The following ID4 variants were observed in gnomAD, a reference collection of about 807,000 sequenced individuals.
ID4 encodes the protein DNA-binding protein inhibitor ID-4.
A neutral mutation model predicts 8.6 loss-of-function variants in ID4; 9 were observed. The ratio of observed to expected loss-of-function variants is 1.04; its 90% CI spans 0.63 to 1.82. The LOEUF (loss-of-function observed/expected upper bound fraction) is 1.82, where lower values mean the gene tolerates loss of function less well. ID4 is among the 40% of genes most tolerant of loss of function. The probability of loss-of-function intolerance (pLI) is 0.00; values close to 1 mark genes in which losing one functional copy is unlikely to be tolerated. For synonymous variants in ID4, 180 were observed against 118.0 expected (o/e 1.53, Z -3.41); for missense variants, 270 against 235.1 (o/e 1.15, Z -0.97).
At chr6:19,838,957 C>G in intron 2 of ID4, 1 of 413,112 alleles carries the variant, frequency 2.4e-6, no homozygotes, top group Non-Finnish European at 4.4e-6. Flanking sequence ...TGGGAGCTGC[C>G]CCGGTGTCCT....
rs1263872577 is a variant in ID4, at chr6:19,837,750, G to C, written c.-5G>C. On this transcript the variant is annotated 5_prime_UTR_variant, in exon 1 of 3. Coordinates refer to ENST00000378700, the MANE Select transcript of ID4 (RefSeq NM_001546.4). The stretch of plus-strand genomic sequence containing the variant: ...TTCGCTCGCGTAGAGCGCAGGGCGC[G>C]CGCGATGAAGGCGGTGAGCCCGGTG... 8.9e-7 allele frequency: 1 copy of C among 1,125,722 alleles called. No individual in the cohort carries two copies. The highest frequency in any genetic ancestry group is 1.7e-5 in the African/African-American group (1 of 60,132). 69.7% of individuals were successfully genotyped at this position (1,125,722 alleles called of 1,614,324 possible). A position where few individuals can be genotyped will look rare whatever the true frequency, so the allele number is the denominator to read the frequency against.
intron 1 of ID4, 85 bp from the exon 2 acceptor site, chr6:19,838,499 T>C (rs929225753): frequency 1.6e-5 from 25 of 1,576,204 alleles, no homozygotes; most frequent in Non-Finnish European, 2.2e-5. Context: ...CGCGCCAGCC[T>C]GATTTCCGAG....
At position 19,840,972 on chromosome 6, in the gene ID4, A is replaced by G. The variant is rs965146782; in HGVS notation, c.*1777A>G. 6.6e-6 allele frequency among the ~76,000 whole-genome samples: 1 copy of G among 152,180 alleles called. No homozygotes were observed. Among genetic ancestry groups the G allele is most frequent in the African/African-American group, 2.4e-5 (1 of 41,428 alleles). On this transcript the variant is annotated 3_prime_UTR_variant, in exon 3 of 3. Transcript: ENST00000378700. The stretch of plus-strand genomic sequence containing the variant: ...GATTTGTTTCAGATTATACAAGAAT[A>G]AAAGTATTATAGACCCAAGGGACTT...
At chr6:19,838,534 C>G (rs921954699) in intron 1 of ID4, 50 bp from the exon 2 acceptor site, 3 of 1,612,482 alleles carry the variant, frequency 1.9e-6, no homozygotes, top group Admixed American at 1.7e-5. Flanking sequence ...GTGTCGAGCG[C>G]GTTGTTTGCG....
Position 19,838,545 on chromosome 6 carries a change from C to T in ID4, c.442-39C>T, listed in dbSNP as rs374934459. The T allele has an allele frequency of 1.9e-5, 31 of 1,613,728 alleles. No homozygotes were observed. In the African/African-American group the frequency reaches 3.3e-4, roughly 17 times the overall value. On this transcript the variant is annotated intron_variant, in intron 1 of 2. Transcript: ENST00000378700. Reference sequence around the variant, plus strand: ...GACCGTGTCGAGCGCGTTGTTTGCGCCTGCTAACCTTTCCCTTGGTGTTCG... The same window carrying T: ...GACCGTGTCGAGCGCGTTGTTTGCGTCTGCTAACCTTTCCCTTGGTGTTCG...
rs1478384088 is a variant in ID4, at chr6:19,840,875, G to A, written c.*1680G>A. Among the ~76,000 whole-genome samples, 1 of 152,126 alleles carries A rather than the reference G, an allele frequency of 6.6e-6. No homozygotes were observed. ...ATTTTTAGAGTGAAAGAATTAAGTA[G>A]GATTTAATTGGGTGCTTTGTAAATA... On this transcript the variant is annotated 3_prime_UTR_variant, in exon 3 of 3. Coordinates refer to ENST00000378700, the MANE Select transcript of ID4 (RefSeq NM_001546.4).
chr6:19,837,936 C>T lies in ID4; in HGVS notation c.182C>T (p.Ala61Val). 3 of 1,489,320 alleles carry T rather than the reference C, an allele frequency of 2.0e-6. No homozygotes were observed. Among genetic ancestry groups the T allele is most frequent in the South Asian group, 1.3e-5 (1 of 76,938 alleles). 92.3% of individuals were successfully genotyped at this position (1,489,320 alleles called of 1,614,324 possible). Residue 61 changes from alanine to valine, a missense_variant, in exon 1 of 3, where the codon GCG (alanine) becomes GTG (valine). Physicochemically the swap from Ala to Val is moderately conservative, Grantham distance 64. This residue lies in a region of ID4 where 160 missense variants were observed against 131.5 expected (regional missense o/e 1.22). Transcript: ENST00000378700. ...KAAEAAADEP[A>V]LCLQCDMNDC... Reference sequence around the variant, plus strand: ...GCCGAGGCGGCGGCCGACGAGCCGGCGCTGTGCCTGCAGTGCGATATGAAC... The same window carrying T: ...GCCGAGGCGGCGGCCGACGAGCCGGTGCTGTGCCTGCAGTGCGATATGAAC...
chr6:19,841,872 C>G lies in ID4; in HGVS notation c.*2677C>G, dbSNP rs970541499. Reference sequence around the variant, plus strand: ...AACAAAGGAAAATATCCTGACTTCTCTCATTTCATTTGTAGACTTTTCATT... The same window carrying G: ...AACAAAGGAAAATATCCTGACTTCTGTCATTTCATTTGTAGACTTTTCATT... On this transcript the variant is annotated 3_prime_UTR_variant, in exon 3 of 3. Coordinates refer to ENST00000378700, the MANE Select transcript of ID4 (RefSeq NM_001546.4). Among the ~76,000 whole-genome samples, 1 of 152,142 alleles carries G rather than the reference C, an allele frequency of 6.6e-6. No individual in the cohort carries two copies. Among genetic ancestry groups the G allele is most frequent in the African/African-American group, 2.4e-5 (1 of 41,452 alleles).
At chr6:19,838,909 C>T in intron 2 of ID4, 8 of 526,000 alleles carry the variant, frequency 1.5e-5, no homozygotes, top group South Asian at 1.3e-4. Flanking sequence ...GGCTCTTCTG[C>T]CTTCCCTAGT....
Position 19,837,614 on chromosome 6 carries a change from G to T in ID4, c.-141G>T. The T allele has an allele frequency of 2.5e-6, 1 of 405,352 alleles. No individual in the cohort carries two copies. The highest frequency in any genetic ancestry group is 3.5e-6 in the Non-Finnish European group (1 of 282,202). The allele number at this position is 405,352 out of a possible 1,614,324, so 25.1% of individuals were successfully genotyped here. A position where few individuals can be genotyped will look rare whatever the true frequency, so the allele number is the denominator to read the frequency against. ...GAGCGACCCTCCCGTCAATTGTTGG[G>T]CTCGGGAGTGTCGCGGTGCCCCGAG... On this transcript the variant is annotated 5_prime_UTR_variant, in exon 1 of 3. Transcript: ENST00000378700.
intron 2 of ID4, 42 bp downstream of exon 2, chr6:19,838,684 A>G: frequency 6.3e-7 from 1 of 1,580,936 alleles, no homozygotes; most frequent in South Asian, 1.1e-5. Flanking sequence ...GTCACCAGAG[A>G]CGCCCGTCCC....
chr6:19,838,613 C>G lies in ID4; in HGVS notation c.471C>G (p.Ser157Arg). 6.2e-7 allele frequency: 1 copy of G among 1,613,952 alleles called. No individual in the cohort carries two copies. Among genetic ancestry groups the G allele is most frequent in the Non-Finnish European group, 8.5e-7 (1 of 1,179,888 alleles). ...GCGCGGTGAACAAGCAGGGCGACAG[C>G]ATTCTGTGCCGCTGAGCCGCGCTGT... ...PAGAVNKQGD[S>R]ILCR The change falls in exon 2 of 3, where the codon AGC (serine) becomes AGG (arginine). Residue 157 changes from serine (S) to arginine (R), a missense_variant. Physicochemically the swap from Ser to Arg is moderately radical, Grantham distance 110. Transcript: ENST00000378700.
At position 19,840,772 on chromosome 6, in the gene ID4, T is replaced by C. The variant is rs1331627733; in HGVS notation, c.*1577T>C. 4.6e-5 allele frequency: 7 copies of C among 152,168 alleles called. No homozygotes were observed. Among genetic ancestry groups the C allele is most frequent in the Non-Finnish European group, 8.8e-5 (6 of 68,002 alleles). The allele number at this position is 152,168 out of a possible 1,614,324, so 9.4% of individuals were successfully genotyped here. A position where few individuals can be genotyped will look rare whatever the true frequency, so the allele number is the denominator to read the frequency against. On this transcript the variant is annotated 3_prime_UTR_variant, in exon 3 of 3. Transcript: ENST00000378700. ...TCTCCTTAAGGAAGGTAATATTTTC[T>C]AGGTTAGATAGGACTATCAGGGTTT...
rs565429846 is a variant in ID4 at position 19,838,203 on chromosome 6, G to A, written c.441+8G>A. On this transcript the variant is annotated splice_region_variant and intron_variant, in intron 1 of 2. Coordinates refer to ENST00000378700, the MANE Select transcript of ID4 (RefSeq NM_001546.4). ...GCGCTCAACACCGACCCGGTGAGAG[G>A]CCGGGCGCCGGCCGTGGGCGGACGC... The A allele has an allele frequency of 5.2e-6, 7 of 1,352,032 alleles. No homozygotes were observed. In the East Asian group the frequency reaches 1.2e-4, roughly 24 times the overall value. The allele number at this position is 1,352,032 out of a possible 1,614,324, so 83.8% of individuals were successfully genotyped here.
In ID4 at chr6:19,840,991, GGGACTTCTTATGA is replaced by G. The variant is rs2113468741; in HGVS notation, c.*1799_*1811del. 6.6e-6 allele frequency among the ~76,000 whole-genome samples: 1 copy of G among 152,248 alleles called. No individual in the cohort carries two copies. Among genetic ancestry groups the G allele is most frequent in the Admixed American group, 6.5e-5 (1 of 15,286 alleles). On this transcript the variant is annotated 3_prime_UTR_variant, in exon 3 of 3. Transcript: ENST00000378700. ...AAGAATAAAAGTATTATAGACCCAA[GGGACTTCTTATGA>G]GGTCAAATTCAGATATTTATATGAA...
rs1326253715 is a variant in ID4 at position 19,842,001 on chromosome 6, T to TC, written c.*2807dup. On this transcript the variant is annotated 3_prime_UTR_variant, in exon 3 of 3. Coordinates refer to ENST00000378700, the MANE Select transcript of ID4 (RefSeq NM_001546.4). ...CTAAGAATGCTACAAAATCCTGACA[T>TC]CTCAGACATCTCAATGTTAAAGGAA... 6.6e-6 allele frequency among the ~76,000 whole-genome samples: 1 copy of TC among 152,174 alleles called. No individual in the cohort carries two copies. The highest frequency in any genetic ancestry group is 2.4e-5 in the African/African-American group (1 of 41,446).
intron 2 of ID4, chr6:19,838,886 C>T (rs1029517810): frequency 1.8e-6 from 1 of 558,166 alleles, no homozygotes; most frequent in Non-Finnish European, 3.2e-6. Context: ...CGTGTTTTTT[C>T]TGGTGGTCAG....
Position 19,839,588 on chromosome 6 carries a change from T to TA in ID4, c.*393_*394insA, listed in dbSNP as rs1761313280. 1 of 152,096 alleles carries TA rather than the reference T, an allele frequency of 6.6e-6. No individual in the cohort carries two copies. Among genetic ancestry groups the TA allele is most frequent in the East Asian group, 1.9e-4 (1 of 5,148 alleles). 9.4% of individuals were successfully genotyped at this position (152,096 alleles called of 1,614,324 possible). ...AGGAGCTCAATTTTTGTTTTGAAGC[T>TA]TTACTAATCTACCAGAGCATTGTAG... On this transcript the variant is annotated 3_prime_UTR_variant, in exon 3 of 3. Transcript: ENST00000378700.
intron 1 of ID4, 42 bp downstream of exon 1, chr6:19,838,237 A>T (rs575815478): frequency 2.3e-6 from 3 of 1,317,908 alleles, no homozygotes; most frequent in East Asian, 3.2e-5. Flanking sequence ...GCCGCGGGGG[A>T]TGGGAGGTTG....
Sources: gnomAD v4.1 joint callset for allele counts (sites outside exome capture counted in the v4.1 genomes callset) on GRCh38, gnomAD v4.1.1 for gene constraint, gnomAD v4.1.1 regional missense constraint, MANE v1.5 for transcripts, NCBI Gene and HGNC (gene_info 2026-07-23, HGNC 2026-07-21) for gene names.